Variants in RSF1 observed in about 807,000 individuals in gnomAD.
RSF1 encodes HBV pX-associated protein 8.
Under a neutral mutation model 145.2 loss-of-function variants are expected in RSF1, and 13 were observed. The observed-to-expected ratio is 0.09, with a 90% CI of 0.06 to 0.14. The LOEUF (loss-of-function observed/expected upper bound fraction) is 0.14, where lower values mean the gene tolerates loss of function less well. Ranked by LOEUF, RSF1 falls within the 10% of genes least tolerant of loss-of-function variation. The pLI, the probability that RSF1 is intolerant of heterozygous loss-of-function variation, is 1.00. For synonymous variants in RSF1, 577 were observed against 592.6 expected (o/e 0.97, Z 0.38); for missense variants, 1,517 against 1,718.2 (o/e 0.88, Z 2.07).
the RSF1 span, among the ~76,000 whole-genome samples, chr11:77,836,873 G>A: frequency 2.6e-5 from 4 of 152,104 alleles, no homozygotes; most frequent in East Asian, 7.8e-4. Flanking sequence ...GCTGAGGCAG[G>A]AGAATCGCTT....
At chr11:77,706,020 C>T (rs981975507) in intron 5 of RSF1, among the ~76,000 whole-genome samples, 5 of 152,096 alleles carry the variant, frequency 3.3e-5, no homozygotes, top group Admixed American at 2.0e-4. Context: ...AATCCCAGCA[C>T]TTTGGGAGGC....
intron 4 of RSF1, among the ~76,000 whole-genome samples, chr11:77,737,379 C>T (rs1369177552): frequency 6.6e-6 from 1 of 151,274 alleles, no homozygotes. Context: ...ACCCGGGAGG[C>T]AGAATTTGCA....
At chr11:77,827,259 A>C in the RSF1 span, among the ~76,000 whole-genome samples, 1 of 152,358 alleles carries the variant, frequency 6.6e-6, no homozygotes, top group South Asian at 2.1e-4. Context: ...TCATACCAAA[A>C]ACTAGAAGAG....
In RSF1 at chr11:77,725,690, G is replaced by A. The variant is rs1246807325; in HGVS notation, c.588C>T (p.Asn196=). Residue 196 remains asparagine (N), a synonymous_variant, in exon 5 of 16, where the codon AAC becomes AAT. Coordinates refer to ENST00000308488, the MANE Select transcript of RSF1 (RefSeq NM_016578.4). The stretch of plus-strand genomic sequence containing the variant: ...GGAGTGCAAGAGTCTCAGCCAACTC[G>A]TTTCGATTTCTAAACAAGGAAAAAA... ...SSWKCIVRNR[N]ELAETLALLK... 7.0e-6 allele frequency: 11 copies of A among 1,563,432 alleles called. No individual in the cohort carries two copies. Among genetic ancestry groups the A allele is most frequent in the African/African-American group, 4.1e-5 (3 of 72,668 alleles).
At chr11:77,848,040 G>A in the RSF1 span, among the ~76,000 whole-genome samples, 1 of 152,152 alleles carries the variant, frequency 6.6e-6, no homozygotes, top group Non-Finnish European at 1.5e-5. Context: ...CCAACATAGG[G>A]GAGGGTAGTC....
Position 77,665,185 on chromosome 11 carries a change from T to A in RSF1, c.*1732A>T, listed in dbSNP as rs1044989621. The A allele has an allele frequency of 6.6e-6, 1 of 152,242 alleles. No homozygotes were observed. The highest frequency in any genetic ancestry group is 2.4e-5 in the African/African-American group (1 of 41,456). 9.4% of individuals were successfully genotyped at this position (152,242 alleles called of 1,614,324 possible). On this transcript the variant is annotated 3_prime_UTR_variant, in exon 16 of 16. Coordinates refer to ENST00000308488, the MANE Select transcript of RSF1 (RefSeq NM_016578.4). The stretch of plus-strand genomic sequence containing the variant: ...AAAGTTCCTAGAGAGGTATTTATAA[T>A]GCAAATCTAATGCCAGCTTTTTAGT...
intron 1 of RSF1, among the ~76,000 whole-genome samples, chr11:77,793,297 T>C (rs1263898218): frequency 1.3e-5 from 2 of 152,042 alleles, no homozygotes; most frequent in Non-Finnish European, 1.5e-5. Flanking sequence ...CTTGTCTACA[T>C]AGCAAGCCCT....
intron 1 of RSF1, among the ~76,000 whole-genome samples, chr11:77,817,266 T>C (rs762280074): frequency 1.5e-4 from 23 of 152,210 alleles, no homozygotes; most frequent in Admixed American, 2.6e-4. Context: ...TTCTTAACCA[T>C]AATTACTTGT....
At chr11:77,773,762 A>G (rs1278568182) in intron 1 of RSF1, among the ~76,000 whole-genome samples, 1 of 152,160 alleles carries the variant, frequency 6.6e-6, no homozygotes, top group Non-Finnish European at 1.5e-5. Context: ...CTCAAAAACT[A>G]ATTTTATCAA....
chr11:77,716,943 C>T lies in RSF1; in HGVS notation c.733+8602G>A, dbSNP rs571179463. Among the ~76,000 whole-genome samples the T allele has an allele frequency of 1.1e-4, 16 of 152,044 alleles. No homozygotes were observed. In the South Asian group the frequency reaches 2.7e-3, roughly 26 times the overall value. ...CTATAATCCTTGCACTTTGGGAGGC[C>T]GAGACGGGTGGATCACTTGAGCTCA... On this transcript the variant is annotated intron_variant, in intron 5 of 15. Transcript: ENST00000308488.
the RSF1 span, among the ~76,000 whole-genome samples, chr11:77,838,797 T>C: frequency 6.6e-6 from 1 of 152,070 alleles, no homozygotes; most frequent in Non-Finnish European, 1.5e-5. Context: ...TTTGTATTTT[T>C]AGTAGAGACG....
In RSF1 at chr11:77,719,014, G is replaced by T. The variant is rs373186912; in HGVS notation, c.733+6531C>A. Among the ~76,000 whole-genome samples the T allele has an allele frequency of 7.2e-4, 110 of 152,106 alleles. No homozygotes were observed. The South Asian group carries it at 1.0e-2, about 14-fold the overall frequency. Reference sequence around the variant, plus strand: ...CTATAATCTTAACATGTTGGGAGATGGGGGGGAGGATTGCCTGAGGCCAGG... The same window carrying T: ...CTATAATCTTAACATGTTGGGAGATTGGGGGGAGGATTGCCTGAGGCCAGG... On this transcript the variant is annotated intron_variant, in intron 5 of 15. Transcript: ENST00000308488.
upstream of RSF1, among the ~76,000 whole-genome samples, chr11:77,823,923 A>G (rs1263430033): frequency 6.6e-6 from 1 of 152,168 alleles, no homozygotes; most frequent in Non-Finnish European, 1.5e-5. Flanking sequence ...TTCTAAAAAA[A>G]AAAAAAAGCT....
At chr11:77,709,633 T>G (rs1960632328) in intron 5 of RSF1, among the ~76,000 whole-genome samples, 4 of 152,186 alleles carry the variant, frequency 2.6e-5, no homozygotes, top group Non-Finnish European at 5.9e-5. Context: ...AATGGAAAAT[T>G]TTATGCAAGC....
intron 8 of RSF1, among the ~76,000 whole-genome samples, chr11:77,692,043 A>AC (rs1449049019): frequency 2.6e-5 from 4 of 152,016 alleles, no homozygotes; most frequent in Admixed American, 1.3e-4. Flanking sequence ...GGCGTGTGCC[A>AC]CCATGCCTGT....
At chr11:77,686,424 A>AAAAAAAAAAAAAAAAAAAAAAAAAAAC (rs1960008487) in intron 9 of RSF1, among the ~76,000 whole-genome samples, 1 of 149,960 alleles carries the variant, frequency 6.7e-6, no homozygotes, top group Non-Finnish European at 1.5e-5. Context: ...AAAAAAAAAA[A>AAAAAAAAAAAAAAAAAAAAAAAAAAAC]AAAAGCAGGT....
intron 1 of RSF1, among the ~76,000 whole-genome samples, chr11:77,783,117 A>G (rs1565179296): frequency 1.3e-5 from 2 of 152,202 alleles, no homozygotes; most frequent in East Asian, 3.8e-4. Flanking sequence ...CTTTAACTCA[A>G]TACAGTCTAC....
intron 1 of RSF1, among the ~76,000 whole-genome samples, chr11:77,806,058 A>G (rs1483371568): frequency 1.3e-5 from 2 of 152,126 alleles, no homozygotes; most frequent in Non-Finnish European, 2.9e-5. Context: ...CTTTCTCACA[A>G]TAGGAATGTA....
chr11:77,670,110 CCT>C (rs1959482479), intron 15 of RSF1, among the ~76,000 whole-genome samples: 2 of 152,060 alleles, frequency 1.3e-5, no homozygotes, highest in South Asian at 4.2e-4. Flanking sequence ...AGGGTGAGAC[CCT>C]GTCTCAAAAA....
Sources: gnomAD v4.1 joint callset for allele counts (sites outside exome capture counted in the v4.1 genomes callset) on GRCh38, gnomAD v4.1.1 for gene constraint, MANE v1.5 for transcripts, NCBI Gene and HGNC (gene_info 2026-07-23, HGNC 2026-07-21) for gene names.